The following APLF variants were observed in gnomAD, a reference collection of about 807,000 sequenced individuals.
APLF encodes the protein aprataxin and PNKP like factor, also known as aprataxin and PNK-like factor.
APLF carries 61 observed loss-of-function variants against 55.6 expected under a neutral mutation model. The observed-to-expected ratio is 1.10, with a 90% CI of 0.89 to 1.36. The LOEUF is 1.36. Ranked by LOEUF, APLF falls within the 40% of genes most tolerant of loss-of-function variation. The pLI is 0.00. For missense variants in APLF, 611 were observed against 602.5 expected (o/e 1.01, Z -0.15); for synonymous variants, 207 against 214.8 (o/e 0.96, Z 0.32).
At chr2:68,533,951 T>C (rs567424592) in intron 6 of APLF, among the ~76,000 whole-genome samples, 135 of 151,994 alleles carry the variant, frequency 8.9e-4, no homozygotes, top group Non-Finnish European at 1.5e-3. Flanking sequence ...AGAGGAGAGA[T>C]TGGAAAAGAA....
intron 5 of APLF, among the ~76,000 whole-genome samples, chr2:68,518,120 T>C (rs1412560957): frequency 7.8e-6 from 1 of 128,542 alleles, no homozygotes; most frequent in Non-Finnish European, 1.6e-5. Flanking sequence ...TCATATACAA[T>C]ATTAATATAT....
chr2:68,519,536 A>G lies in APLF; in HGVS notation c.622+5856A>G, dbSNP rs541563608. ...GGTCAAGTTAAGTCTTTCTTTTATC[A>G]GAGAAATTATTCTACTGAGGGAAAG... On this transcript the variant is annotated intron_variant, in intron 5 of 9. Coordinates refer to ENST00000303795, the MANE Select transcript of APLF (RefSeq NM_173545.3). Among the ~76,000 whole-genome samples the G allele has an allele frequency of 5.7e-3, 860 of 150,154 alleles. 3 individuals are homozygous for G. Among genetic ancestry groups the G allele is most frequent in the Non-Finnish European group, 0.01 (682 of 67,416 alleles).
intron 2 of APLF, among the ~76,000 whole-genome samples, chr2:68,501,623 G>C (rs1478343004): frequency 1.3e-5 from 2 of 152,042 alleles, no homozygotes; most frequent in Non-Finnish European, 2.9e-5. Flanking sequence ...AGCAACTCTT[G>C]TTATCTTTGC....
At chr2:68,507,237 G>A (rs573150506) in intron 3 of APLF, among the ~76,000 whole-genome samples, 3 of 151,946 alleles carry the variant, frequency 2.0e-5, no homozygotes, top group African/African-American at 7.2e-5. Flanking sequence ...ATAGAAAAAA[G>A]CTTATATGCT....
intron 8 of APLF, among the ~76,000 whole-genome samples, chr2:68,551,042 C>A (rs1207924085): frequency 6.6e-6 from 1 of 151,974 alleles, no homozygotes; most frequent in African/African-American, 2.4e-5. Flanking sequence ...TGAAGATCTA[C>A]TAAAAAGAAA....
chr2:68,556,892 G>A (rs142528341), intron 8 of APLF, among the ~76,000 whole-genome samples: 21 of 152,252 alleles, frequency 1.4e-4, no homozygotes, highest in African/African-American at 5.1e-4. Context: ...TGTGTAGTGT[G>A]ACAGAACACA....
intron 7 of APLF, among the ~76,000 whole-genome samples, chr2:68,539,194 C>A (rs921252319): frequency 7.9e-5 from 12 of 152,106 alleles, no homozygotes; most frequent in African/African-American, 2.2e-4. Context: ...CACATCTGGA[C>A]CATAATGTAA....
intron 8 of APLF, among the ~76,000 whole-genome samples, chr2:68,563,685 A>C (rs1018786461): frequency 6.6e-6 from 1 of 152,092 alleles, no homozygotes; most frequent in Non-Finnish European, 1.5e-5. Context: ...TTATTTAAAA[A>C]GCCTGACATT....
At chr2:68,544,142 C>T (rs777059385) in intron 7 of APLF, among the ~76,000 whole-genome samples, 12 of 151,810 alleles carry the variant, frequency 7.9e-5, no homozygotes, top group African/African-American at 1.9e-4. Context: ...CCACCAAGCC[C>T]GGCTAGTTGT....
intron 2 of APLF, among the ~76,000 whole-genome samples, chr2:68,497,125 A>G (rs1676572646): frequency 6.6e-6 from 1 of 152,182 alleles, no homozygotes; most frequent in South Asian, 2.1e-4. Flanking sequence ...ACAGTTTTGC[A>G]GGCTTTACAT....
At position 68,578,264 on chromosome 2, in the gene APLF, G is replaced by A. The variant is rs184667541; in HGVS notation, c.*242G>A. Reference sequence around the variant, plus strand: ...CATCTGGAAATAGGAAGACAGAGAAGGTAGAGTAAAAATGGATATTTTTTA... The same window carrying A: ...CATCTGGAAATAGGAAGACAGAGAAAGTAGAGTAAAAATGGATATTTTTTA... On this transcript the variant is annotated 3_prime_UTR_variant, in exon 10 of 10. Transcript: ENST00000303795. 2.0e-4 allele frequency: 249 copies of A among 1,228,108 alleles called. 3 individuals carry two copies. In the East Asian group the frequency reaches 6.5e-3, roughly 32 times the overall value. The allele number at this position is 1,228,108 out of a possible 1,614,324, so 76.1% of individuals were successfully genotyped here.
chr2:68,505,609 A>C (rs1676852475), intron 3 of APLF, among the ~76,000 whole-genome samples: 1 of 152,042 alleles, frequency 6.6e-6, no homozygotes, highest in African/African-American at 2.4e-5. Flanking sequence ...CAGTTTACTT[A>C]CTAGATTACG....
At chr2:68,470,253 G>A (rs1675575622) in intron 1 of APLF, among the ~76,000 whole-genome samples, 1 of 152,170 alleles carries the variant, frequency 6.6e-6, no homozygotes, top group Admixed American at 6.5e-5. Flanking sequence ...CATTGAAATT[G>A]CGAAATTGCA....
At chr2:68,486,407 A>G (rs1289280759) in intron 1 of APLF, among the ~76,000 whole-genome samples, 4 of 151,980 alleles carry the variant, frequency 2.6e-5, no homozygotes, top group Non-Finnish European at 5.9e-5. Flanking sequence ...TGGATTCTCT[A>G]TTAGCTTGGC....
At chr2:68,569,563 C>T (rs1671397771) in intron 9 of APLF, among the ~76,000 whole-genome samples, 1 of 152,084 alleles carries the variant, frequency 6.6e-6, no homozygotes, top group Admixed American at 6.6e-5. Context: ...ATTATGGAAG[C>T]TCTCAACAGC....
chr2:68,473,180 C>G (rs190835375), intron 1 of APLF, among the ~76,000 whole-genome samples: 51 of 152,238 alleles, frequency 3.4e-4, no homozygotes, highest in African/African-American at 1.2e-3. Context: ...TATTCATCCC[C>G]CAGAGGCTCC....
At position 68,467,755 on chromosome 2, in the gene APLF, G is replaced by A; in HGVS notation, c.24G>A (p.Gln8=). The change falls in exon 1 of 10, where the codon CAG becomes CAA. Residue 8 remains glutamine, a synonymous_variant. Coordinates refer to ENST00000303795, the MANE Select transcript of APLF (RefSeq NM_173545.3). ...CCATGTCCGGGGGCTTCGAGCTGCA[G>A]CCGCGGGACGGCGGTCCCCGGGTGG... is the stretch of plus-strand genomic sequence containing the variant. The part of the protein sequence containing the change: MSGGFEL[Q]PRDGGPRVAL... 2 of 1,234,834 alleles carry A rather than the reference G, an allele frequency of 1.6e-6. No homozygotes were observed. Among genetic ancestry groups the A allele is most frequent in the Non-Finnish European group, 1.0e-6 (1 of 988,048 alleles). The allele number at this position is 1,234,834 out of a possible 1,614,324, so 76.5% of individuals were successfully genotyped here. A position where few individuals can be genotyped will look rare whatever the true frequency, so the allele number is the denominator to read the frequency against.
intron 2 of APLF, 82 bp downstream of exon 2, chr2:68,490,343 T>A (rs1573166268): frequency 8.7e-7 from 1 of 1,144,106 alleles, no homozygotes; most frequent in East Asian, 2.5e-5. Context: ...TTTTCTAAGG[T>A]TATGGGAATA....
chr2:68,518,032 AAT>A (rs1281798225), intron 5 of APLF, among the ~76,000 whole-genome samples: 2 of 138,564 alleles, frequency 1.4e-5, no homozygotes, highest in South Asian at 2.2e-4. Context: ...AATATATAAT[AAT>A]ATATAACAGT....
Sources: gnomAD v4.1 joint callset for allele counts (sites outside exome capture counted in the v4.1 genomes callset) on GRCh38, gnomAD v4.1.1 for gene constraint, MANE v1.5 for transcripts, NCBI Gene and HGNC (gene_info 2026-07-23, HGNC 2026-07-21) for gene names.